SSBP3: variants seen among roughly 807,000 people sequenced by gnomAD.
SSBP3 encodes the protein single-stranded DNA-binding protein 3.
SSBP3 carries 5 observed loss-of-function variants against 69.6 expected under a neutral mutation model. The ratio of observed to expected loss-of-function variants is 0.07; its 90% CI spans 0.04 to 0.15. The LOEUF is 0.15. Among genes scored for constraint, SSBP3 ranks in the 10% least tolerant of loss-of-function variants. SSBP3 has a pLI of 1.00. For missense variants in SSBP3, 312 were observed against 534.0 expected, an observed-to-expected ratio of 0.58 and a Z score of 4.10; for synonymous variants, 196 against 193.4, an observed-to-expected ratio of 1.01 and a Z score of -0.11.
At position 54,253,190 on chromosome 1, in the gene SSBP3, TTG is replaced by T. The variant is rs1557463747; in HGVS notation, c.508-1332_508-1331del. ...TTTGTTTTTGTTTTTTTTTTAGTTTTTGTTTTTTTTTTTTTTTAAGACAGGGT... is the reference window on the plus strand; with the variant it reads ...TTTGTTTTTGTTTTTTTTTTAGTTTTTTTTTTTTTTTTTTTAAGACAGGGT... On this transcript the variant is annotated intron_variant, in intron 7 of 17. Transcript: ENST00000610401. Among the ~76,000 whole-genome samples, 20 of 143,436 alleles carry T rather than the reference TTG, an allele frequency of 1.4e-4. 5 individuals carry two copies. Among genetic ancestry groups the T allele is most frequent in the Admixed American group, 2.7e-4 (4 of 14,784 alleles). The allele number at this position is 143,436 out of a possible 152,430, so 94.1% of individuals were successfully genotyped here.
At chr1:54,362,610 G>T (rs1646966833) in intron 4 of SSBP3, among the ~76,000 whole-genome samples, 1 of 152,242 alleles carries the variant, frequency 6.6e-6, no homozygotes, top group South Asian at 2.1e-4. Context: ...ATTAGACCAG[G>T]AAGGAACACT....
exon 18 of SSBP3, chr1:54,225,535 GACT>G (rs1306791985): frequency 3.6e-6 from 3 of 834,622 alleles, no homozygotes; most frequent in Admixed American, 4.4e-5. Flanking sequence ...TTCAGAACCA[GACT>G]ACAAGGTAAG....
chr1:54,307,387 T>A (rs1407500287), intron 4 of SSBP3, among the ~76,000 whole-genome samples: 1 of 152,042 alleles, frequency 6.6e-6, no homozygotes, highest in Admixed American at 6.5e-5. Context: ...CTGTCTCCCC[T>A]AGCCCGGGCC....
At chr1:54,379,852 C>T (rs3795358) in intron 4 of SSBP3, among the ~76,000 whole-genome samples, 14,537 of 152,280 alleles carry the variant, frequency 0.095, 949 homozygotes, top group East Asian at 0.28. Flanking sequence ...CCCTGCCCTT[C>T]CTGCAAGAAC....
intron 4 of SSBP3, among the ~76,000 whole-genome samples, chr1:54,338,862 TA>T (rs1177758491): frequency 1.3e-5 from 2 of 152,254 alleles, no homozygotes; most frequent in African/African-American, 4.8e-5. Context: ...CAGGGTATTC[TA>T]AATTATACTT....
intron 1 of SSBP3, among the ~76,000 whole-genome samples, chr1:54,411,845 TGG>T (rs1488197099): frequency 2.1e-5 from 3 of 139,908 alleles, no homozygotes; most frequent in East Asian, 2.1e-4. Flanking sequence ...TGAGCCGAGA[TGG>T]CGTCACTGCA....
At chr1:54,366,435 A>G (rs765500610) in intron 4 of SSBP3, among the ~76,000 whole-genome samples, 1 of 152,190 alleles carries the variant, frequency 6.6e-6, no homozygotes, top group Non-Finnish European at 1.5e-5. Context: ...TGATCTCTCT[A>G]GGATAAGCAA....
chr1:54,232,956 C>T (rs866504001), intron 14 of SSBP3, among the ~76,000 whole-genome samples: 12 of 152,304 alleles, frequency 7.9e-5, no homozygotes, highest in South Asian at 4.1e-4. Flanking sequence ...AGCCGCCTGC[C>T]TTGGCCTCCC....
rs1644969754 is a variant in SSBP3 at position 54,258,909 on chromosome 1, A to G, written c.367-760T>C. ...TTACTGATGAGGAATCTAAGTCTCG[A>G]GGGATGAAGGAACTTGGCCATGGCC... On this transcript the variant is annotated intron_variant, in intron 5 of 17. Transcript: ENST00000610401. The surrounding 1 kb of genome is among the most constrained non-coding windows in gnomAD (Gnocchi z 4.5). Among the ~76,000 whole-genome samples, 1 of 152,158 alleles carries G rather than the reference A, an allele frequency of 6.6e-6. No homozygotes were observed. Among genetic ancestry groups the G allele is most frequent in the Admixed American group, 6.5e-5 (1 of 15,282 alleles).
intron 4 of SSBP3, among the ~76,000 whole-genome samples, chr1:54,360,874 G>A (rs1646941197): frequency 1.3e-5 from 2 of 150,196 alleles, no homozygotes; most frequent in Admixed American, 6.7e-5. Context: ...GAGGCCGGGA[G>A]TTTGAGACCA....
At chr1:54,349,839 T>C (rs1646753404) in intron 4 of SSBP3, among the ~76,000 whole-genome samples, 1 of 152,190 alleles carries the variant, frequency 6.6e-6, no homozygotes, top group Admixed American at 6.5e-5. Context: ...TCATTTCCAT[T>C]TTAGGTTCAA....
intron 4 of SSBP3, among the ~76,000 whole-genome samples, chr1:54,300,507 A>G (rs1645782740): frequency 6.6e-6 from 1 of 152,164 alleles, no homozygotes; most frequent in African/African-American, 2.4e-5. Flanking sequence ...TAATGACACA[A>G]ATGGCCAATG....
At chr1:54,241,365 T>C (rs1412819204) in intron 12 of SSBP3, 109 bp downstream of exon 12, 1 of 1,239,402 alleles carries the variant, frequency 8.1e-7, no homozygotes, top group African/African-American at 1.5e-5. Flanking sequence ...TTGGAACCTC[T>C]GCTCAGAAGA....
intron 4 of SSBP3, among the ~76,000 whole-genome samples, chr1:54,373,884 G>GCTGA (rs1268773650): frequency 2.6e-5 from 4 of 152,158 alleles, no homozygotes; most frequent in Non-Finnish European, 5.9e-5. Flanking sequence ...AGTGCCCTGG[G>GCTGA]CTGACCGTGG....
At chr1:54,379,629 A>G (rs1376188183) in intron 4 of SSBP3, among the ~76,000 whole-genome samples, 1 of 152,176 alleles carries the variant, frequency 6.6e-6, no homozygotes, top group African/African-American at 2.4e-5. Flanking sequence ...GAGGCGGTAC[A>G]ATGGTGCGGC....
At chr1:54,303,539 A>G (rs921215075) in intron 4 of SSBP3, among the ~76,000 whole-genome samples, 3 of 152,222 alleles carry the variant, frequency 2.0e-5, no homozygotes, top group Non-Finnish European at 2.9e-5. Context: ...TGAGGTGCAC[A>G]TAAGCTCGGA....
At chr1:54,256,958 C>G (rs937832623) in intron 7 of SSBP3, among the ~76,000 whole-genome samples, 169 bp downstream of exon 7, 2 of 152,152 alleles carry the variant, frequency 1.3e-5, no homozygotes, top group Non-Finnish European at 2.9e-5. Flanking sequence ...ACCATGGGCA[C>G]AGCGGGGACA....
chr1:54,376,191 G>GT (rs1647229964), intron 4 of SSBP3, among the ~76,000 whole-genome samples: 2 of 150,640 alleles, frequency 1.3e-5, no homozygotes, highest in Non-Finnish European at 3.0e-5. Flanking sequence ...TGCATGCGTG[G>GT]GTGTGTGTGT....
In SSBP3 at chr1:54,405,947, G is replaced by A. The variant is rs776122449; in HGVS notation, c.56+6C>T. ...GCGCGGCCGCCACTTGCAAAATAGG[G>A]CTTACTTTTCCCGAGCCTGCCCATC... is the stretch of plus-strand genomic sequence containing the variant. On this transcript the variant is annotated splice_donor_region_variant and intron_variant, in intron 1 of 17. Coordinates refer to ENST00000610401, the Ensembl canonical transcript of SSBP3. 47 of 1,394,210 alleles carry A rather than the reference G, an allele frequency of 3.4e-5. No homozygotes were observed. Among genetic ancestry groups the A allele is most frequent in the Non-Finnish European group, 3.8e-5 (40 of 1,057,694 alleles). 86.4% of individuals were successfully genotyped at this position (1,394,210 alleles called of 1,614,324 possible).
Sources: allele counts gnomAD v4.1 joint callset (sites outside exome capture counted in the v4.1 genomes callset), GRCh38; gene constraint gnomAD v4.1.1; non-coding constraint Gnocchi (gnomAD v3.1); transcripts MANE v1.5; gene names NCBI Gene and HGNC (gene_info 2026-07-23, HGNC 2026-07-21).